Variants in SHCBP1L observed in about 807,000 individuals in gnomAD.
SHCBP1L encodes the protein SHC binding and spindle associated 1 like.
A neutral mutation model predicts 62.5 loss-of-function variants in SHCBP1L; 67 were observed. That is an observed-to-expected ratio of 1.07 (90% CI 0.88 to 1.31). The LOEUF (loss-of-function observed/expected upper bound fraction) is 1.31, where lower values mean the gene tolerates loss of function less well. SHCBP1L is among the 40% of genes most tolerant of loss of function. SHCBP1L has a pLI of 0.00. For synonymous variants in SHCBP1L, 284 were observed against 289.4 expected (o/e 0.98, Z 0.19); for missense variants, 823 against 809.8 (o/e 1.02, Z -0.20).
At chr1:182,912,267 C>A (rs113289132) in intron 6 of SHCBP1L, among the ~76,000 whole-genome samples, 37 of 152,256 alleles carry the variant, frequency 2.4e-4, no homozygotes, top group African/African-American at 8.4e-4. Flanking sequence ...TATAGCAAGA[C>A]CCTGTTATCC....
chr1:182,902,314 G>A (rs1649870526), intron 9 of SHCBP1L, among the ~76,000 whole-genome samples: 1 of 151,972 alleles, frequency 6.6e-6, no homozygotes, highest in Non-Finnish European at 1.5e-5. Flanking sequence ...GCCTCCCAAA[G>A]TGCTAGGATT....
chr1:182,916,093 A>G (rs558821320), intron 6 of SHCBP1L, among the ~76,000 whole-genome samples: 4 of 152,296 alleles, frequency 2.6e-5, no homozygotes, highest in Non-Finnish European at 5.9e-5. Flanking sequence ...GGCGTGAGCC[A>G]CTGCGCCCGG....
chr1:182,925,482 A>G (rs1650713367), intron 6 of SHCBP1L, among the ~76,000 whole-genome samples: 1 of 152,210 alleles, frequency 6.6e-6, no homozygotes, highest in African/African-American at 2.4e-5. Flanking sequence ...AATCAAAACT[A>G]CAATGAAATA....
intron 2 of SHCBP1L, among the ~76,000 whole-genome samples, chr1:182,943,468 A>T: frequency 6.8e-6 from 1 of 146,034 alleles, no homozygotes; most frequent in African/African-American, 2.6e-5. Flanking sequence ...TTTTTTTGAG[A>T]CAGGGTCTCA....
intron 9 of SHCBP1L, among the ~76,000 whole-genome samples, chr1:182,900,881 A>AG (rs1649812906): frequency 6.6e-6 from 1 of 152,216 alleles, no homozygotes; most frequent in Admixed American, 6.5e-5. Flanking sequence ...AAAAAGAAAA[A>AG]GAAAAAAAAA....
At chr1:182,913,162 C>T (rs73044366) in intron 6 of SHCBP1L, among the ~76,000 whole-genome samples, 1 of 151,952 alleles carries the variant, frequency 6.6e-6, no homozygotes, top group Admixed American at 6.6e-5. Context: ...ATTAAATTAA[C>T]TGGTAAACAT....
chr1:182,926,106 C>G (rs1028918126), intron 6 of SHCBP1L, among the ~76,000 whole-genome samples: 1 of 152,026 alleles, frequency 6.6e-6, no homozygotes, highest in Non-Finnish European at 1.5e-5. Context: ...GGTTAGGAAC[C>G]AGACAGATGT....
Position 182,940,522 on chromosome 1 carries a change from C to A in SHCBP1L, c.577G>T (p.Asp193Tyr). The A allele has an allele frequency of 6.2e-7, 1 of 1,613,780 alleles. No individual in the cohort carries two copies. Among genetic ancestry groups the A allele is most frequent in the Non-Finnish European group, 8.5e-7 (1 of 1,179,868 alleles). ...GTAACTTTGAAACGAGATGATGAGT[C>A]TTGGTATGGTTCACAAGTTACCTAA... The part of the protein sequence containing the change: ...LVEVTCEPYQ[D>Y]SSSRFKVTVS... Residue 193 changes from aspartate to tyrosine, a missense_variant, in exon 3 of 10, where the codon GAC becomes TAC. Coordinates refer to ENST00000367547, the MANE Select transcript of SHCBP1L (RefSeq NM_030933.4).
intron 6 of SHCBP1L, among the ~76,000 whole-genome samples, chr1:182,919,171 A>G (rs1650446788): frequency 6.6e-6 from 1 of 152,270 alleles, no homozygotes; most frequent in African/African-American, 2.4e-5. Context: ...GTGCTGCTGT[A>G]TAACAGAATG....
At chr1:182,952,547 A>G in intron 1 of SHCBP1L, 182 bp downstream of exon 1, 1 of 666,590 alleles carries the variant, frequency 1.5e-6, no homozygotes, top group Non-Finnish European at 2.3e-6. Flanking sequence ...CCTCTAGGGC[A>G]GGACGCGGGC....
At chr1:182,925,556 TA>T (rs1387575675) in intron 6 of SHCBP1L, among the ~76,000 whole-genome samples, 1 of 151,978 alleles carries the variant, frequency 6.6e-6, no homozygotes, top group Admixed American at 6.6e-5. Flanking sequence ...AAATAAATAA[TA>T]AAAAAAGATA....
At chr1:182,920,692 T>G (rs1170914697) in intron 6 of SHCBP1L, among the ~76,000 whole-genome samples, 1 of 152,014 alleles carries the variant, frequency 6.6e-6, no homozygotes, top group African/African-American at 2.4e-5. Flanking sequence ...AGCTGGAAGA[T>G]GAAACAGTCA....
At chr1:182,909,397 T>C (rs981067598) in intron 6 of SHCBP1L, among the ~76,000 whole-genome samples, 1 of 152,128 alleles carries the variant, frequency 6.6e-6, no homozygotes, top group African/African-American at 2.4e-5. Context: ...GATAGCAACC[T>C]AGAACAGAAC....
chr1:182,902,215 A>G (rs536886875), intron 9 of SHCBP1L, among the ~76,000 whole-genome samples: 8 of 151,906 alleles, frequency 5.3e-5, no homozygotes, highest in African/African-American at 1.7e-4. Context: ...ACGGTTGGCT[A>G]ATTTTTTTTG....
At position 182,931,247 on chromosome 1, in the gene SHCBP1L, A is replaced by AT. The variant is rs1557999779; in HGVS notation, c.1077-1496_1077-1495insA. Among the ~76,000 whole-genome samples the AT allele has an allele frequency of 6.1e-3, 920 of 149,762 alleles. 10 individuals carry two copies. Among genetic ancestry groups the AT allele is most frequent in the African/African-American group, 0.02 (802 of 40,046 alleles). On this transcript the variant is annotated intron_variant, in intron 5 of 9. Coordinates refer to ENST00000367547, the MANE Select transcript of SHCBP1L (RefSeq NM_030933.4). ...TTGAGAAACAGGGAACCATTCATAC[A>AT]CTTTTTTTTTTTGCTATATACCAGT... is the stretch of plus-strand genomic sequence containing the variant.
At chr1:182,947,664 A>G (rs1399264055) in intron 2 of SHCBP1L, among the ~76,000 whole-genome samples, 2 of 152,200 alleles carry the variant, frequency 1.3e-5, no homozygotes, top group Admixed American at 6.5e-5. Flanking sequence ...AAGACAACAG[A>G]AATGAAGATC....
chr1:182,926,899 A>G (rs1375838206), intron 6 of SHCBP1L, among the ~76,000 whole-genome samples: 1 of 151,718 alleles, frequency 6.6e-6, no homozygotes, highest in Non-Finnish European at 1.5e-5. Flanking sequence ...CAACTCTATA[A>G]ATATGAAACA....
chr1:182,919,535 G>A (rs574205701), intron 6 of SHCBP1L, among the ~76,000 whole-genome samples: 9 of 152,130 alleles, frequency 5.9e-5, no homozygotes, highest in South Asian at 4.2e-4. Flanking sequence ...TTTTGGAGTG[G>A]GGCAAAAACA....
intron 5 of SHCBP1L, among the ~76,000 whole-genome samples, chr1:182,933,801 T>C (rs908569769): frequency 6.6e-6 from 1 of 152,144 alleles, no homozygotes; most frequent in Admixed American, 6.5e-5. Context: ...TTTTCTTTTC[T>C]TGTGATGTCT....
Sources: allele counts gnomAD v4.1 joint callset (sites outside exome capture counted in the v4.1 genomes callset), GRCh38; gene constraint gnomAD v4.1.1; transcripts MANE v1.5; gene names NCBI Gene and HGNC (gene_info 2026-07-23, HGNC 2026-07-21).